The following EML6 variants were observed in gnomAD, a reference collection of about 807,000 sequenced individuals.
The protein encoded by EML6 is EMAP like 6.
In EML6, 154 loss-of-function variants were observed where a neutral mutation model predicts 240.1. The observed-to-expected ratio is 0.64, with a 90% confidence interval of 0.56 to 0.73. EML6 has a LOEUF of 0.73. Among genes scored for constraint, EML6 ranks in the 30% least tolerant of loss-of-function variants. EML6 has a pLI of 0.00. For synonymous variants in EML6, 1,148 were observed against 899.0 expected (o/e 1.28, Z -4.95); for missense variants, 2,964 against 2,474.6 (o/e 1.20, Z -4.20).
intron 9 of EML6, among the ~76,000 whole-genome samples, chr2:54,849,252 A>G (rs1407764624): frequency 1.3e-5 from 2 of 152,024 alleles, no homozygotes. Context: ...CACCTTAAAT[A>G]TTTTTTCTTT....
intron 2 of EML6, among the ~76,000 whole-genome samples, chr2:54,776,765 C>T (rs1450501985): frequency 6.6e-6 from 1 of 152,088 alleles, no homozygotes; most frequent in Non-Finnish European, 1.5e-5. Context: ...CTAACTCAAC[C>T]TTGGATATTT....
At chr2:54,920,404 A>T (rs187171416) in intron 26 of EML6, among the ~76,000 whole-genome samples, 3 of 152,310 alleles carry the variant, frequency 2.0e-5, no homozygotes, top group African/African-American at 7.2e-5. Flanking sequence ...CAAATTGGAT[A>T]ACCTGGAAGA....
At position 54,749,328 on chromosome 2, in the gene EML6, T is replaced by C. The variant is rs59023502; in HGVS notation, c.197+24070T>C. On this transcript the variant is annotated intron_variant, in intron 2 of 41. Transcript: ENST00000356458. Reference sequence around the variant, plus strand: ...CATGTGAAGACTCACAGAAATAGTCTATTAAAATAATAAACATTATATTCA... The same window carrying C: ...CATGTGAAGACTCACAGAAATAGTCCATTAAAATAATAAACATTATATTCA... Among the ~76,000 whole-genome samples the C allele has an allele frequency of 1.6e-3, 239 of 152,318 alleles. 1 individual carries two copies. The highest frequency in any genetic ancestry group is 5.7e-3 in the African/African-American group (235 of 41,584).
chr2:54,947,844 C>G (rs1055986554), intron 28 of EML6, among the ~76,000 whole-genome samples: 27 of 152,302 alleles, frequency 1.8e-4, no homozygotes, highest in African/African-American at 6.5e-4. Flanking sequence ...TGCACTCTTT[C>G]ATTTCTGTTT....
chr2:54,886,661 ATC>A (rs1461832219), intron 17 of EML6, among the ~76,000 whole-genome samples: 1 of 152,208 alleles, frequency 6.6e-6, no homozygotes, highest in African/African-American at 2.4e-5. Context: ...GTGAAGTGGT[ATC>A]TCATTATGGT....
chr2:54,853,002 T>TA (rs1670173756), intron 10 of EML6, among the ~76,000 whole-genome samples: 1 of 152,248 alleles, frequency 6.6e-6, no homozygotes, highest in South Asian at 2.1e-4. Flanking sequence ...CCGCGTGAAT[T>TA]ACATTTTATT....
At chr2:54,735,042 C>T (rs916031684) in intron 2 of EML6, among the ~76,000 whole-genome samples, 2 of 152,202 alleles carry the variant, frequency 1.3e-5, no homozygotes. Flanking sequence ...TTTTGTGTTT[C>T]CTCATCCCTG....
At chr2:54,825,870 A>G (rs1407612618) in intron 5 of EML6, among the ~76,000 whole-genome samples, 1 of 152,052 alleles carries the variant, frequency 6.6e-6, no homozygotes, top group Non-Finnish European at 1.5e-5. Context: ...ACAGGTGTAA[A>G]ATAGTACAAT....
chr2:54,854,230 A>T (rs995936466), intron 11 of EML6, among the ~76,000 whole-genome samples: 9 of 152,246 alleles, frequency 5.9e-5, no homozygotes, highest in African/African-American at 2.2e-4. Flanking sequence ...ATGGAAAAGC[A>T]AAGGAAATCC....
At chr2:54,741,425 T>G (rs1683623827) in intron 2 of EML6, among the ~76,000 whole-genome samples, 1 of 152,082 alleles carries the variant, frequency 6.6e-6, no homozygotes, top group Non-Finnish European at 1.5e-5. Flanking sequence ...TAGAAATATA[T>G]ATATAGGTGT....
intron 35 of EML6, among the ~76,000 whole-genome samples, chr2:54,961,184 G>GTTGTTTTTTTTTGTTTTTTTTT: frequency 1.1e-4 from 6 of 55,416 alleles, no homozygotes; most frequent in African/African-American, 4.0e-4. Context: ...TCAGGAAGTA[G>GTTGTTTTTTTTTGTTTTTTTTT]TTTTTTTTTT....
intron 2 of EML6, among the ~76,000 whole-genome samples, chr2:54,799,735 C>G (rs1670018405): frequency 6.6e-6 from 1 of 152,048 alleles, no homozygotes; most frequent in Non-Finnish European, 1.5e-5. Flanking sequence ...ACTATCTGAC[C>G]CTTTATAGAA....
intron 2 of EML6, among the ~76,000 whole-genome samples, chr2:54,792,072 A>G (rs1442863566): frequency 3.9e-5 from 6 of 152,208 alleles, no homozygotes; most frequent in Non-Finnish European, 8.8e-5. Context: ...GGTTTTCTTC[A>G]GTTTTTTAAA....
At position 54,928,453 on chromosome 2, in the gene EML6, G is replaced by A; in HGVS notation, c.3816G>A (p.Gly1272=). 3 of 1,550,470 alleles carry A rather than the reference G, an allele frequency of 1.9e-6. No homozygotes were observed. Among genetic ancestry groups the A allele is most frequent in the Non-Finnish European group, 2.6e-6 (3 of 1,146,166 alleles). The change falls in exon 27 of 42, where the codon GGG becomes GGA. Residue 1272 remains glycine (G), a synonymous_variant. Coordinates refer to ENST00000356458, the MANE Select transcript of EML6 (RefSeq NM_001039753.4). The stretch of plus-strand genomic sequence containing the variant: ...TGATCTGGACCAGGGAGTTTGTGGG[G>A]ACCCAGGAGAGCAAGCTGGTGGACA... ...ALMIWTREFV[G]TQESKLVDSE... is the part of the protein sequence containing the mutation.
At chr2:54,826,828 A>G (rs771160263) in intron 5 of EML6, among the ~76,000 whole-genome samples, 1 of 152,196 alleles carries the variant, frequency 6.6e-6, no homozygotes, top group Non-Finnish European at 1.5e-5. Flanking sequence ...TACAATGAAG[A>G]TTTATAACAC....
At chr2:54,877,705 A>C (rs1366352941) in intron 16 of EML6, among the ~76,000 whole-genome samples, 1 of 152,244 alleles carries the variant, frequency 6.6e-6, no homozygotes, top group Non-Finnish European at 1.5e-5. Context: ...TGAAAGACGT[A>C]GTTTATAATA....
At chr2:54,755,168 A>G (rs531791677) in intron 2 of EML6, among the ~76,000 whole-genome samples, 29 of 152,364 alleles carry the variant, frequency 1.9e-4, no homozygotes, top group African/African-American at 7.0e-4. Context: ...AACTAGTGGC[A>G]ACCTTGTCAT....
At chr2:54,846,923 A>ATTTTTTGTTTTTTTTTTT (rs1669791491) in intron 8 of EML6, among the ~76,000 whole-genome samples, 1 of 129,912 alleles carries the variant, frequency 7.7e-6, no homozygotes, top group African/African-American at 2.7e-5. Context: ...ATGAAGTAGT[A>ATTTTTTGTTTTTTTTTTT]TTTTTTTTTT....
chr2:54,965,975 A>C (rs535715586), intron 38 of EML6, among the ~76,000 whole-genome samples: 2 of 152,384 alleles, frequency 1.3e-5, no homozygotes, highest in East Asian at 3.9e-4. Context: ...AGTTCAGCCT[A>C]CATCCAGGAA....
Sources: allele counts gnomAD v4.1 joint callset (sites outside exome capture counted in the v4.1 genomes callset), GRCh38; gene constraint gnomAD v4.1.1; transcripts MANE v1.5; gene names NCBI Gene and HGNC (gene_info 2026-07-23, HGNC 2026-07-21).